The following GSE1 variants were observed in gnomAD, a reference collection of about 807,000 sequenced individuals.
GSE1 encodes the protein genetic suppressor element 1.
In GSE1, 32 loss-of-function variants were observed where a neutral mutation model predicts 112.6. The ratio of observed to expected loss-of-function variants is 0.28; its 90% confidence interval spans 0.21 to 0.38. The LOEUF is 0.38. Among genes scored for constraint, GSE1 ranks in the 10% least tolerant of loss-of-function variants. The pLI, the probability that GSE1 is intolerant of heterozygous loss-of-function variation, is 1.00. For synonymous variants in GSE1, 1,115 were observed against 735.6 expected (o/e 1.52, Z -8.35); for missense variants, 2,348 against 1,699.2 (o/e 1.38, Z -6.71).
At chr16:85,642,471 C>T (rs537531386) in intron 2 of GSE1, among the ~76,000 whole-genome samples, 10 of 152,206 alleles carry the variant, frequency 6.6e-5, no homozygotes, top group Non-Finnish European at 1.2e-4. Flanking sequence ...GCAAAGTGCA[C>T]CTGGGGACCC....
chr16:85,597,357 G>C (rs1417773370), intron 1 of GSE1, among the ~76,000 whole-genome samples: 2 of 116,276 alleles, frequency 1.7e-5, no homozygotes, highest in African/African-American at 6.8e-5. Context: ...CTGGGCAACA[G>C]AGTGAGACTC....
chr16:85,662,783 G>T, intron 9 of GSE1, 198 bp from the exon 10 acceptor site: 1 of 551,954 alleles, frequency 1.8e-6, no homozygotes, highest in Non-Finnish European at 3.2e-6. Flanking sequence ...AGGGAAGCCT[G>T]GTGTCTGCGG....
chr16:85,655,379 A>C (rs542458162), intron 5 of GSE1, among the ~76,000 whole-genome samples: 43 of 152,272 alleles, frequency 2.8e-4, no homozygotes, highest in Non-Finnish European at 4.4e-4. Context: ...CATCCTTGTC[A>C]GAGGTCAGAG....
chr16:85,301,674 C>G (rs1395788900), intron 1 of GSE1, among the ~76,000 whole-genome samples: 1 of 152,170 alleles, frequency 6.6e-6, no homozygotes, highest in African/African-American at 2.4e-5. Flanking sequence ...ATCTGTGTTT[C>G]CTTTGCCTCT....
At chr16:85,222,868 G>A (rs1395344975) in intron 1 of GSE1, among the ~76,000 whole-genome samples, 1 of 152,098 alleles carries the variant, frequency 6.6e-6, no homozygotes, top group Admixed American at 6.5e-5. Context: ...TCCTTCATAC[G>A]GTGGCTTTTC....
intron 2 of GSE1, among the ~76,000 whole-genome samples, chr16:85,398,559 A>AGGACATGGCC (rs1275332388): frequency 6.6e-6 from 1 of 152,214 alleles, no homozygotes; most frequent in African/African-American, 2.4e-5. Flanking sequence ...AGAACTGCCT[A>AGGACATGGCC]GGACATGGCC....
chr16:85,645,909 T>C (rs955224807), intron 2 of GSE1, among the ~76,000 whole-genome samples: 4 of 149,636 alleles, frequency 2.7e-5, no homozygotes, highest in African/African-American at 9.9e-5. Flanking sequence ...TCTACCATGC[T>C]TTCTATGCAT....
chr16:85,666,597 C>T lies in GSE1; in HGVS notation c.3130+250C>T, dbSNP rs372976894. On this transcript the variant is annotated intron_variant, in intron 13 of 15. Coordinates refer to ENST00000253458, the MANE Select transcript of GSE1 (RefSeq NM_014615.5). Reference sequence around the variant, plus strand: ...GCTGACGCTGTGCTGTGAGCAGGGACGCATCGATCGGTAAGAGGTAAAGGA... The same window carrying T: ...GCTGACGCTGTGCTGTGAGCAGGGATGCATCGATCGGTAAGAGGTAAAGGA... The T allele has an allele frequency of 2.2e-4, 117 of 538,294 alleles. 3 individuals carry two copies. Among genetic ancestry groups the T allele is most frequent in the East Asian group, 1.7e-3 (52 of 30,730 alleles). 33.3% of individuals were successfully genotyped at this position (538,294 alleles called of 1,614,324 possible). A position where few individuals can be genotyped will look rare whatever the true frequency, so the allele number is the denominator to read the frequency against.
chr16:85,378,195 C>G (rs150756531), intron 2 of GSE1, among the ~76,000 whole-genome samples: 1 of 152,156 alleles, frequency 6.6e-6, no homozygotes, highest in African/African-American at 2.4e-5. Context: ...CTCCCTCCTC[C>G]GTGGCAGGCT....
chr16:85,665,060 C>T lies in GSE1; in HGVS notation c.2690C>T (p.Ala897Val), dbSNP rs766085169. 2 of 1,612,722 alleles carry T rather than the reference C, an allele frequency of 1.2e-6. No homozygotes were observed. The highest frequency in any genetic ancestry group is 4.5e-5 in the East Asian group (2 of 44,882). ...VEMLRAMKQKALSAAVADSLT... is the reference protein window; with the variant it reads ...VEMLRAMKQKVLSAAVADSLT... Reference sequence around the variant, plus strand: ...ATGCTCCGTGCCATGAAGCAGAAGGCACTGTCAGCAGCAGTGGCCGACTCC... The same window carrying T: ...ATGCTCCGTGCCATGAAGCAGAAGGTACTGTCAGCAGCAGTGGCCGACTCC... Residue 897 changes from alanine to valine, a missense_variant, in exon 12 of 16, where the codon GCA becomes GTA. By Grantham distance (64) the Ala-to-Val change is moderately conservative (BLOSUM62 0). Transcript: ENST00000253458.
intron 2 of GSE1, among the ~76,000 whole-genome samples, chr16:85,524,267 G>A (rs994036627): frequency 1.3e-5 from 2 of 152,124 alleles, no homozygotes; most frequent in Non-Finnish European, 2.9e-5. Context: ...GATGGTAAGA[G>A]CTCTGGACTT....
chr16:85,481,730 A>T (rs554939885), intron 2 of GSE1, among the ~76,000 whole-genome samples: 1 of 152,304 alleles, frequency 6.6e-6, no homozygotes, highest in Admixed American at 6.5e-5. Context: ...GAGCAAATGC[A>T]TTTAGGAGGA....
At chr16:85,589,520 G>A (rs2046875956) in intron 1 of GSE1, among the ~76,000 whole-genome samples, 1 of 152,196 alleles carries the variant, frequency 6.6e-6, no homozygotes, top group South Asian at 2.1e-4. Context: ...TGGAAGGTGG[G>A]GCGGGGGGTC....
At chr16:85,259,314 T>G (rs890634683) in intron 1 of GSE1, among the ~76,000 whole-genome samples, 1 of 151,810 alleles carries the variant, frequency 6.6e-6, no homozygotes, top group Non-Finnish European at 1.5e-5. Context: ...TGGCCCACCC[T>G]GTGCTCCACC....
intron 2 of GSE1, among the ~76,000 whole-genome samples, chr16:85,478,713 G>A (rs946326634): frequency 2.0e-5 from 3 of 151,228 alleles, no homozygotes; most frequent in Non-Finnish European, 2.9e-5. Flanking sequence ...TGTCGCCCAG[G>A]CTGGAGTGCA....
At chr16:85,506,970 G>A (rs540206170) in intron 2 of GSE1, among the ~76,000 whole-genome samples, 25 of 152,128 alleles carry the variant, frequency 1.6e-4, no homozygotes, top group Non-Finnish European at 1.9e-4. Flanking sequence ...ACGCCACCCC[G>A]CAAGCTTGGA....
intron 2 of GSE1, among the ~76,000 whole-genome samples, chr16:85,381,113 A>G (rs949944655): frequency 1.3e-5 from 2 of 151,892 alleles, no homozygotes; most frequent in Non-Finnish European, 2.9e-5. Flanking sequence ...TCACTCCCCC[A>G]CCTTCCTTTC....
chr16:85,242,567 C>T (rs1484889065), intron 1 of GSE1, among the ~76,000 whole-genome samples: 1 of 152,266 alleles, frequency 6.6e-6, no homozygotes, highest in Non-Finnish European at 1.5e-5. Flanking sequence ...GATGGGTGCA[C>T]TGAGGCCCAT....
intron 1 of GSE1, among the ~76,000 whole-genome samples, chr16:85,340,971 C>T (rs1439817515): frequency 6.6e-6 from 1 of 152,212 alleles, no homozygotes; most frequent in African/African-American, 2.4e-5. Flanking sequence ...GTGTCTACCT[C>T]ACAGGCTGTG....
Sources: allele counts gnomAD v4.1 joint callset (sites outside exome capture counted in the v4.1 genomes callset), GRCh38; gene constraint gnomAD v4.1.1; transcripts MANE v1.5; gene names NCBI Gene and HGNC (gene_info 2026-07-23, HGNC 2026-07-21).